Variants in SHC3 observed in about 807,000 individuals in gnomAD.
The protein encoded by SHC3 is SHC adaptor protein 3, also known as SHC-transforming protein 3.
A neutral mutation model predicts 60.4 loss-of-function variants in SHC3; 15 were observed. The observed-to-expected ratio is 0.25, with a 90% confidence interval of 0.17 to 0.38. The LOEUF is 0.38. SHC3 is among the 10% of genes least tolerant of loss of function. The probability of loss-of-function intolerance (pLI) is 1.00; values close to 1 mark genes in which losing one functional copy is unlikely to be tolerated. For synonymous variants in SHC3, 294 were observed against 325.9 expected (o/e 0.90, Z 1.05); for missense variants, 677 against 786.1 (o/e 0.86, Z 1.66).
chr9:89,063,224 G>T (rs1216025976), intron 6 of SHC3, among the ~76,000 whole-genome samples: 4 of 152,132 alleles, frequency 2.6e-5, no homozygotes, highest in Non-Finnish European at 5.9e-5. Context: ...CTGTGTCCCA[G>T]GTTCAAGCGA....
At chr9:89,077,569 C>A (rs1161988446) in intron 3 of SHC3, among the ~76,000 whole-genome samples, 1 of 152,206 alleles carries the variant, frequency 6.6e-6, no homozygotes, top group African/African-American at 2.4e-5. Context: ...GAAAGCCTGA[C>A]CCTGTTTTAA....
At chr9:89,020,888 C>T (rs749987892) in intron 11 of SHC3, among the ~76,000 whole-genome samples, 15 of 152,128 alleles carry the variant, frequency 9.9e-5, no homozygotes, top group Non-Finnish European at 1.9e-4. Flanking sequence ...TGGTGATCCT[C>T]CAAAGTGCCC....
Position 89,013,487 on chromosome 9 carries a change from C to A in SHC3, c.1745G>T (p.Ser582Ile). The change falls in exon 12 of 12, where the codon AGT becomes ATT. Residue 582 changes from serine (S) to isoleucine (I), a missense_variant. By Grantham distance (142) the Ser-to-Ile change is moderately radical. Transcript: ENST00000375835. ...ESSLPIVSAG[S>I]ELCLQQPVER... Reference sequence around the variant, plus strand: ...CACTGGCTGCTGGAGACACAGCTCACTCCCTGCAGAGACAATGGGCAGGCT... The same window carrying A: ...CACTGGCTGCTGGAGACACAGCTCAATCCCTGCAGAGACAATGGGCAGGCT... 6.2e-7 allele frequency: 1 copy of A among 1,613,928 alleles called. No individual in the cohort carries two copies. Among genetic ancestry groups the A allele is most frequent in the Non-Finnish European group, 8.5e-7 (1 of 1,179,930 alleles).
chr9:89,057,105 C>A (rs1373306632), intron 6 of SHC3, among the ~76,000 whole-genome samples: 8 of 152,198 alleles, frequency 5.3e-5, no homozygotes, highest in Non-Finnish European at 1.2e-4. Flanking sequence ...TATTCGAAGT[C>A]ATTACTCAAA....
At chr9:89,055,272 T>C (rs1472211157) in intron 6 of SHC3, among the ~76,000 whole-genome samples, 1 of 152,246 alleles carries the variant, frequency 6.6e-6, no homozygotes, top group Non-Finnish European at 1.5e-5. Context: ...CAGAGGCTAG[T>C]AGCTGCTCCC....
chr9:89,079,026 G>T lies in SHC3; in HGVS notation c.546-1123C>A, dbSNP rs534498166. Among the ~76,000 whole-genome samples the T allele has an allele frequency of 5.3e-5, 8 of 152,286 alleles. No individual in the cohort carries two copies. The South Asian group carries it at 1.7e-3, about 32-fold the overall frequency. ...TATCAGTTACGCAACAGACTATCAGGACAAGCTTCCCATTTGCCACTCAAT... is the reference window on the plus strand; with the variant it reads ...TATCAGTTACGCAACAGACTATCAGTACAAGCTTCCCATTTGCCACTCAAT... On this transcript the variant is annotated intron_variant, in intron 2 of 11. Transcript: ENST00000375835.
intron 6 of SHC3, among the ~76,000 whole-genome samples, chr9:89,063,795 A>G (rs910402903): frequency 6.6e-6 from 1 of 152,250 alleles, no homozygotes. Flanking sequence ...GGTTGTTGTT[A>G]AGCCACTAAG....
In SHC3 at chr9:89,112,458, A is replaced by T. The variant is rs1825962965; in HGVS notation, c.545+98T>A. The stretch of plus-strand genomic sequence containing the variant: ...ACTGTCACCAGCCACTAACCCTCCA[A>T]GGGCCGGTCTTTTCTTCTAAAAATG... On this transcript the variant is annotated intron_variant, in intron 2 of 11. Transcript: ENST00000375835. The T allele has an allele frequency of 5.3e-6, 7 of 1,332,234 alleles. No homozygotes were observed. In the South Asian group the frequency reaches 7.5e-5, roughly 14 times the overall value. 82.5% of individuals were successfully genotyped at this position (1,332,234 alleles called of 1,614,324 possible).
At chr9:89,055,329 G>C (rs1189255959) in intron 6 of SHC3, among the ~76,000 whole-genome samples, 1 of 152,252 alleles carries the variant, frequency 6.6e-6, no homozygotes, top group Non-Finnish European at 1.5e-5. Flanking sequence ...TGCTGCAACA[G>C]GGCATCCAGT....
In SHC3 at chr9:89,052,176, G is replaced by A; in HGVS notation, c.836-13C>T. ...AAAATGTGACAAGCTGGGAAAGCAA[G>A]TGACATGGGCCTATTAGAGACAGAC... On this transcript the variant is annotated splice_polypyrimidine_tract_variant and intron_variant, in intron 6 of 11. Coordinates refer to ENST00000375835, the MANE Select transcript of SHC3 (RefSeq NM_016848.6). 1.9e-6 allele frequency: 3 copies of A among 1,613,088 alleles called. No homozygotes were observed. Among genetic ancestry groups the A allele is most frequent in the Non-Finnish European group, 2.5e-6 (3 of 1,179,378 alleles).
chr9:89,128,403 G>C (rs1033506088), intron 1 of SHC3, among the ~76,000 whole-genome samples: 9 of 152,176 alleles, frequency 5.9e-5, no homozygotes, highest in African/African-American at 2.2e-4. Context: ...GACAGTAGTG[G>C]TTCTCCCAGC....
rs149016735 is a variant in SHC3, at chr9:89,028,280, T to C, written c.1656+9713A>G. ...GACTAGAGGGAAAGAGAGCTATATG[T>C]ATCACAGCAGAAGAGAACAACCCCA... On this transcript the variant is annotated intron_variant, in intron 11 of 11. Transcript: ENST00000375835. Among the ~76,000 whole-genome samples, 350 of 152,198 alleles carry C rather than the reference T, an allele frequency of 2.3e-3. 1 individual carries two copies. Among genetic ancestry groups the C allele is most frequent in the African/African-American group, 7.7e-3 (320 of 41,516 alleles).
intron 2 of SHC3, chr9:89,109,116 G>A: frequency 1.0e-6 from 1 of 985,506 alleles, no homozygotes; most frequent in Middle Eastern, 5.2e-4. Flanking sequence ...AGGTCCTGGG[G>A]ATAGGAAATC....
At chr9:89,072,062 A>T (rs769681327) in intron 4 of SHC3, among the ~76,000 whole-genome samples, 3 of 152,232 alleles carry the variant, frequency 2.0e-5, no homozygotes, top group Non-Finnish European at 4.4e-5. Context: ...TAACATTTAT[A>T]TACTGATTAA....
intron 1 of SHC3, among the ~76,000 whole-genome samples, chr9:89,129,013 A>T (rs1010940624): frequency 1.3e-5 from 2 of 152,228 alleles, no homozygotes; most frequent in Non-Finnish European, 2.9e-5. Flanking sequence ...CCTTGAAAAA[A>T]GATTGGATGA....
At chr9:89,132,248 C>G (rs1353524414) in intron 1 of SHC3, among the ~76,000 whole-genome samples, 1 of 151,876 alleles carries the variant, frequency 6.6e-6, no homozygotes, top group Non-Finnish European at 1.5e-5. Flanking sequence ...CACTGCTCAT[C>G]GAAATAAAAG....
chr9:89,113,722 A>G (rs1825983117), intron 1 of SHC3, among the ~76,000 whole-genome samples: 1 of 152,232 alleles, frequency 6.6e-6, no homozygotes, highest in Admixed American at 6.5e-5. Flanking sequence ...TAACACCATT[A>G]GAGTTATATG....
At chr9:89,027,044 C>T (rs957288405) in intron 11 of SHC3, among the ~76,000 whole-genome samples, 10 of 152,124 alleles carry the variant, frequency 6.6e-5, no homozygotes, top group Non-Finnish European at 1.3e-4. Context: ...GAGAACTGAC[C>T]GTGGTGACCA....
chr9:89,061,189 G>A (rs1825083833), intron 6 of SHC3, among the ~76,000 whole-genome samples: 1 of 152,292 alleles, frequency 6.6e-6, no homozygotes, highest in East Asian at 1.9e-4. Context: ...AGTGTCATTC[G>A]ATGGCATATT....
Sources: allele counts gnomAD v4.1 joint callset (sites outside exome capture counted in the v4.1 genomes callset), GRCh38; gene constraint gnomAD v4.1.1; transcripts MANE v1.5; gene names NCBI Gene and HGNC (gene_info 2026-07-23, HGNC 2026-07-21).